The following MCM4 variants were observed in gnomAD, a reference collection of about 807,000 sequenced individuals.
MCM4 encodes the protein minichromosome maintenance complex component 4.
Under a neutral mutation model 88.7 loss-of-function variants are expected in MCM4, and 60 were observed. The observed-to-expected ratio is 0.68, with a 90% CI of 0.55 to 0.84. The LOEUF (loss-of-function observed/expected upper bound fraction) is 0.84. MCM4 is among the 40% of genes least tolerant of loss of function. MCM4 has a pLI of 0.00. For missense variants in MCM4, 1,149 were observed against 1,105.5 expected (o/e 1.04, Z -0.56); for synonymous variants, 465 against 410.5 (o/e 1.13, Z -1.61).
intron 3 of MCM4, 57 bp downstream of exon 3, chr8:47,961,737 T>A: frequency 6.5e-7 from 1 of 1,538,686 alleles, no homozygotes; most frequent in South Asian, 1.2e-5. Context: ...ATGCTTTATC[T>A]GCTCAGGTTT....
rs1200167786 is a variant in MCM4 at position 47,977,571 on chromosome 8, G to A, written c.*793G>A. The A allele has an allele frequency of 6.6e-6, 1 of 152,158 alleles. No individual in the cohort carries two copies. The highest frequency in any genetic ancestry group is 2.4e-5 in the African/African-American group (1 of 41,432). 9.4% of individuals were successfully genotyped at this position (152,158 alleles called of 1,614,324 possible). A position where few individuals can be genotyped will look rare whatever the true frequency, so the allele number is the denominator to read the frequency against. On this transcript the variant is annotated 3_prime_UTR_variant, in exon 17 of 17. Transcript: ENST00000649973. ...GCTAGAGTACACTGGTACAATCACG[G>A]CTCAATGTAGGCTTAACCTCCTGGG...
chr8:47,966,107 A>G lies in MCM4; in HGVS notation c.833-80A>G, dbSNP rs531689969. Reference sequence around the variant, plus strand: ...GCCCTAGGCAGAGTCTTGGGCACCTAGCTCCTGTCTGTGATCCCAGCTATT... The same window carrying G: ...GCCCTAGGCAGAGTCTTGGGCACCTGGCTCCTGTCTGTGATCCCAGCTATT... On this transcript the variant is annotated intron_variant, in intron 8 of 16. Transcript: ENST00000649973. 26 of 1,185,454 alleles carry G rather than the reference A, an allele frequency of 2.2e-5. No individual in the cohort carries two copies. The East Asian group carries it at 5.8e-4, about 27-fold the overall frequency. 73.4% of individuals were successfully genotyped at this position (1,185,454 alleles called of 1,614,324 possible). A position where few individuals can be genotyped will look rare whatever the true frequency, so the allele number is the denominator to read the frequency against.
chr8:47,972,911 T>A lies in MCM4; in HGVS notation c.1983T>A (p.Arg661=), dbSNP rs1470314427. The stretch of plus-strand genomic sequence containing the variant: ...CTCAGGACGAAGCCTATGACAGGCG[T>A]CTGGCTCACCACCTGGTCGCACTGT... ...LDPQDEAYDR[R]LAHHLVALYY... Residue 661 remains arginine (R), a synonymous_variant, in exon 14 of 17, where the codon CGT becomes CGA. Coordinates refer to ENST00000649973, the MANE Select transcript of MCM4 (RefSeq NM_182746.3). 5 of 1,614,110 alleles carry A rather than the reference T, an allele frequency of 3.1e-6. No homozygotes were observed. The highest frequency in any genetic ancestry group is 4.2e-6 in the Non-Finnish European group (5 of 1,180,054).
Position 47,964,731 on chromosome 8 carries a change from G to T in MCM4, c.832+19G>T, listed in dbSNP as rs372213371. 39 of 1,525,396 alleles carry T rather than the reference G, an allele frequency of 2.6e-5. No homozygotes were observed. In the African/African-American group the frequency reaches 5.3e-4, roughly 21 times the overall value. The allele number at this position is 1,525,396 out of a possible 1,614,324, so 94.5% of individuals were successfully genotyped here. On this transcript the variant is annotated intron_variant, in intron 8 of 16. Coordinates refer to ENST00000649973, the MANE Select transcript of MCM4 (RefSeq NM_182746.3). ...CCAGAAGGTAATGTATTTTTCATAGGATTACTTTTGTTGAAGGAAAATGCC... is the reference window on the plus strand; with the variant it reads ...CCAGAAGGTAATGTATTTTTCATAGTATTACTTTTGTTGAAGGAAAATGCC...
intron 13 of MCM4, among the ~76,000 whole-genome samples, chr8:47,972,568 T>C (rs2090963658): frequency 6.6e-6 from 1 of 152,132 alleles, no homozygotes; most frequent in Admixed American, 6.5e-5. Flanking sequence ...TTTTTGTTTG[T>C]TTTTTTGAGA....
rs765922426 is a variant in MCM4, at chr8:47,961,234, C to A, written c.70+20C>A. The A allele has an allele frequency of 2.0e-6, 3 of 1,479,834 alleles. No individual in the cohort carries two copies. The highest frequency in any genetic ancestry group is 1.3e-5 in the South Asian group (1 of 77,832). The allele number at this position is 1,479,834 out of a possible 1,614,324, so 91.7% of individuals were successfully genotyped here. A position where few individuals can be genotyped will look rare whatever the true frequency, so the allele number is the denominator to read the frequency against. ...AGACGCGTGAGTCCCCCGAGCCGGGCCCACTACAGCCCCCGGCGCCGCCCC... is the reference window on the plus strand; with the variant it reads ...AGACGCGTGAGTCCCCCGAGCCGGGACCACTACAGCCCCCGGCGCCGCCCC... On this transcript the variant is annotated intron_variant, in intron 2 of 16. Coordinates refer to ENST00000649973, the MANE Select transcript of MCM4 (RefSeq NM_182746.3).
chr8:47,963,309 C>A (rs186723771), intron 7 of MCM4, among the ~76,000 whole-genome samples: 2 of 152,074 alleles, frequency 1.3e-5, no homozygotes, highest in Non-Finnish European at 2.9e-5. Context: ...CAAAAATTAG[C>A]CAGACATGGT....
chr8:47,963,049 T>C lies in MCM4; in HGVS notation c.693+9T>C. The C allele has an allele frequency of 6.6e-7, 1 of 1,507,330 alleles. No individual in the cohort carries two copies. The highest frequency in any genetic ancestry group is 9.1e-7 in the Non-Finnish European group (1 of 1,102,768). The allele number at this position is 1,507,330 out of a possible 1,614,324, so 93.4% of individuals were successfully genotyped here. ...TCATCTCTTACCCACAGGTAAGAATTTAGCTTTGACCTTGATGAATTTTAG... is the reference window on the plus strand; with the variant it reads ...TCATCTCTTACCCACAGGTAAGAATCTAGCTTTGACCTTGATGAATTTTAG... On this transcript the variant is annotated intron_variant, in intron 7 of 16. Transcript: ENST00000649973.
rs568361562 is a variant in MCM4, at chr8:47,972,439, C to G, written c.1929-418C>G. ...AGGCAAAGATGCTTCTCCCTGATGGCGCTCACAGGGTGCACATTGACTGCA... is the reference window on the plus strand; with the variant it reads ...AGGCAAAGATGCTTCTCCCTGATGGGGCTCACAGGGTGCACATTGACTGCA... On this transcript the variant is annotated intron_variant, in intron 13 of 16. Coordinates refer to ENST00000649973, the MANE Select transcript of MCM4 (RefSeq NM_182746.3). 6.6e-5 allele frequency among the ~76,000 whole-genome samples: 10 copies of G among 152,188 alleles called. No homozygotes were observed. In the South Asian group the frequency reaches 1.2e-3, roughly 19 times the overall value.
At chr8:47,967,285 A>G in intron 9 of MCM4, 80 bp from the exon 10 acceptor site, 1 of 1,532,900 alleles carries the variant, frequency 6.5e-7, no homozygotes, top group Non-Finnish European at 8.9e-7. Flanking sequence ...TTATATGGCA[A>G]AAGCAGTACA....
At position 47,964,553 on chromosome 8, in the gene MCM4, T is replaced by G. The variant is rs771704561; in HGVS notation, c.694-21T>G. 3.8e-6 allele frequency: 6 copies of G among 1,561,824 alleles called. No homozygotes were observed. The Admixed American group carries it at 1.2e-4, about 31-fold the overall frequency. On this transcript the variant is annotated intron_variant, in intron 7 of 16. Transcript: ENST00000649973. Reference sequence around the variant, plus strand: ...ACACTGAGATATGAATACAAATACATCTTCATATTTGTTTTTACAGGAAGT... The same window carrying G: ...ACACTGAGATATGAATACAAATACAGCTTCATATTTGTTTTTACAGGAAGT...
At chr8:47,975,400 A>G (rs755396492) in intron 15 of MCM4, 64 of 157,102 alleles carry the variant, frequency 4.1e-4, no homozygotes, top group Non-Finnish European at 6.6e-4. Flanking sequence ...TCATTGTTCA[A>G]TTCCAGTTTT....
chr8:47,972,158 C>CT (rs1410487368), intron 13 of MCM4, among the ~76,000 whole-genome samples: 1 of 147,444 alleles, frequency 6.8e-6, no homozygotes, highest in Non-Finnish European at 1.5e-5. Context: ...TTGCTTGAGC[C>CT]TGGGGGAGTG....
chr8:47,970,887 T>C lies in MCM4; in HGVS notation c.1800+11T>C. 6.4e-7 allele frequency: 1 copy of C among 1,570,854 alleles called. No homozygotes were observed. Among genetic ancestry groups the C allele is most frequent in the Non-Finnish European group, 8.7e-7 (1 of 1,155,708 alleles). ...CTGTCCATTGCAAAGGTGAGTCGCC[T>C]TCTCCACCGTGAACATGGACGTGTT... is the stretch of plus-strand genomic sequence containing the variant. On this transcript the variant is annotated intron_variant, in intron 12 of 16. Coordinates refer to ENST00000649973, the MANE Select transcript of MCM4 (RefSeq NM_182746.3).
intron 13 of MCM4, 55 bp from the exon 14 acceptor site, chr8:47,972,802 C>T (rs1306141145): frequency 6.9e-7 from 1 of 1,455,740 alleles, no homozygotes; most frequent in Non-Finnish European, 9.5e-7. Context: ...GGTGATCCAC[C>T]TGCCTCGGCC....
chr8:47,976,317 G>C (rs912673078), intron 16 of MCM4, among the ~76,000 whole-genome samples: 1 of 151,380 alleles, frequency 6.6e-6, no homozygotes, highest in African/African-American at 2.4e-5. Context: ...AGAAAAAATT[G>C]TTATGCCCCT....
rs145966797 is a variant in MCM4, at chr8:47,964,667, T to C, written c.787T>C (p.Phe263Leu). The change falls in exon 8 of 17, where the codon TTC becomes CTC. Residue 263 changes from phenylalanine to leucine, a missense_variant. Phe to Leu is a conservative substitution (Grantham distance 22). Around this residue, in one of 3 missense-constraint regions of MCM4, gnomAD observed 906 missense variants for 843.0 expected, o/e 1.07. Coordinates refer to ENST00000649973, the MANE Select transcript of MCM4 (RefSeq NM_182746.3). ...ILEHQIQVRP[F>L]NALKTKNMRN... ...AGAACATCAGATTCAAGTAAGACCA[T>C]TCAACGCATTGAAGACTAAGAATAT... 1.8e-5 allele frequency: 29 copies of C among 1,603,032 alleles called. No homozygotes were observed. In the African/African-American group the frequency reaches 3.9e-4, roughly 21 times the overall value.
At chr8:47,963,379 C>T (rs747339584) in intron 7 of MCM4, among the ~76,000 whole-genome samples, 19 of 152,134 alleles carry the variant, frequency 1.2e-4, no homozygotes, top group South Asian at 1.0e-3. Context: ...ACTTGAACCC[C>T]GGAGGCAGAG....
intron 5 of MCM4, 90 bp downstream of exon 5, chr8:47,962,496 T>A: frequency 7.6e-7 from 1 of 1,317,330 alleles, no homozygotes; most frequent in Non-Finnish European, 1.1e-6. Flanking sequence ...CCATAATGAC[T>A]AGAAGGGCCA....
Sources: gnomAD v4.1 joint callset for allele counts (sites outside exome capture counted in the v4.1 genomes callset) on GRCh38, gnomAD v4.1.1 for gene constraint, gnomAD v4.1.1 regional missense constraint, MANE v1.5 for transcripts, NCBI Gene and HGNC (gene_info 2026-07-23, HGNC 2026-07-21) for gene names.